PREX1: variants seen among roughly 807,000 people sequenced by gnomAD.
PREX1 encodes the protein phosphatidylinositol 3,4,5-trisphosphate-dependent Rac exchanger 1 protein.
In PREX1, 41 loss-of-function variants were observed where a neutral mutation model predicts 198.3. That is an observed-to-expected ratio of 0.21 (90% confidence interval 0.16 to 0.27). The LOEUF (loss-of-function observed/expected upper bound fraction) is 0.27, where lower values mean the gene tolerates loss of function less well. Ranked by LOEUF, PREX1 falls within the 10% of genes least tolerant of loss-of-function variation. PREX1 has a pLI of 1.00. For missense variants in PREX1, 1,620 were observed against 2,200.7 expected (o/e 0.74, Z 5.28); for synonymous variants, 843 against 887.2 (o/e 0.95, Z 0.89).
rs761059267 is a variant in PREX1 at position 48,636,655 on chromosome 20, C to T, written c.3975G>A (p.Ala1325=). The T allele has an allele frequency of 6.8e-6, 11 of 1,609,134 alleles. No individual in the cohort carries two copies. Among genetic ancestry groups the T allele is most frequent in the African/African-American group, 1.3e-5 (1 of 75,028 alleles). The change falls in exon 32 of 40, where the codon GCG becomes GCA. Residue 1325 remains alanine (A), a synonymous_variant. Transcript: ENST00000371941. ...TDTELQLRRD[A]IFCQALVAAV... is the part of the protein sequence containing the mutation. ...CGGCCACCAGGGCCTGGCAGAAGAT[C>T]GCGTCTCTGCGCAGCTGCAGCTCCG...
chr20:48,629,277 A>C (rs2122804516), intron 37 of PREX1, among the ~76,000 whole-genome samples, 172 bp downstream of exon 37: 1 of 152,344 alleles, frequency 6.6e-6, no homozygotes, highest in South Asian at 2.1e-4. Context: ...TGCTGCTGCC[A>C]TTCCGTTTCA....
At chr20:48,668,740 G>A (rs1334571483) in intron 14 of PREX1, among the ~76,000 whole-genome samples, 2 of 152,210 alleles carry the variant, frequency 1.3e-5, no homozygotes. Context: ...GCCAGTAGCT[G>A]GAGGGCCTGC....
In PREX1 at chr20:48,762,328, G is replaced by A. The variant is rs140465487; in HGVS notation, c.220-14448C>T. Reference sequence around the variant, plus strand: ...GATTCTAGCAGAGATTCTCAACTTTGGTACCTTGACAGTTCAGTGGATAGT... The same window carrying A: ...GATTCTAGCAGAGATTCTCAACTTTAGTACCTTGACAGTTCAGTGGATAGT... On this transcript the variant is annotated intron_variant, in intron 1 of 39. Transcript: ENST00000371941. 8.3e-3 allele frequency among the ~76,000 whole-genome samples: 1,268 copies of A among 152,156 alleles called. 21 individuals are homozygous for A. The highest frequency in any genetic ancestry group is 0.029 in the African/African-American group (1,198 of 41,496).
chr20:48,835,456 C>A, the PREX1 span, among the ~76,000 whole-genome samples: 4,233 of 152,238 alleles, frequency 0.028, 204 homozygotes, highest in African/African-American at 0.097. Flanking sequence ...CGGAGAAAAA[C>A]AAAATGGATT....
intron 1 of PREX1, among the ~76,000 whole-genome samples, chr20:48,749,519 C>T (rs1161372212): frequency 6.6e-6 from 1 of 152,186 alleles, no homozygotes; most frequent in East Asian, 1.9e-4. Context: ...TCAGGGGAAG[C>T]GGAGCAGGTA....
At chr20:48,789,048 G>A (rs1475228058) in intron 1 of PREX1, among the ~76,000 whole-genome samples, 1 of 152,072 alleles carries the variant, frequency 6.6e-6, no homozygotes, top group African/African-American at 2.4e-5. Context: ...CCAGTTTCAG[G>A]TATTCTGTTA....
Position 48,625,891 on chromosome 20 carries a change from G to A in PREX1, c.4974C>T (p.Asp1658=). ...YRLCQPPVDG[D]L is the part of the protein sequence containing the mutation. ...GCGTGGGGCATTTGGGTGTTCAGAG[G>A]TCCCCATCCACCGGCGGCTGGCAGA... The change falls in exon 40 of 40, where the codon GAC becomes GAT. Residue 1658 remains aspartate, a synonymous_variant. Transcript: ENST00000371941. 1 of 1,562,710 alleles carries A rather than the reference G, an allele frequency of 6.4e-7. No homozygotes were observed. Among genetic ancestry groups the A allele is most frequent in the Non-Finnish European group, 8.6e-7 (1 of 1,156,872 alleles).
At position 48,684,696 on chromosome 20, in the gene PREX1, T is replaced by C. The variant is rs1350143881; in HGVS notation, c.1335-3361A>G. Among the ~76,000 whole-genome samples the C allele has an allele frequency of 6.6e-6, 1 of 151,934 alleles. No individual in the cohort carries two copies. Among genetic ancestry groups the C allele is most frequent in the Non-Finnish European group, 1.5e-5 (1 of 67,970 alleles). The stretch of plus-strand genomic sequence containing the variant: ...CCTCATCTCACTCCACTACCGAGAC[T>C]CCTCCAGTGGCTTCCCACAGCACCA... On this transcript the variant is annotated intron_variant, in intron 10 of 39. Coordinates refer to ENST00000371941, the MANE Select transcript of PREX1 (RefSeq NM_020820.4). The surrounding 1 kb of genome is among the most constrained non-coding windows in gnomAD (Gnocchi z 4.2).
chr20:48,699,821 A>T (rs984992475), intron 7 of PREX1, among the ~76,000 whole-genome samples: 18 of 152,220 alleles, frequency 1.2e-4, no homozygotes, highest in Admixed American at 1.0e-3. Context: ...CCATTTCTCT[A>T]ACTGCCTGAA....
intron 9 of PREX1, among the ~76,000 whole-genome samples, chr20:48,690,741 T>C (rs546915616): frequency 3.9e-5 from 6 of 152,226 alleles, no homozygotes; most frequent in African/African-American, 1.4e-4. Flanking sequence ...TGGGCCTCAG[T>C]TTCCCCATTT....
intron 1 of PREX1, among the ~76,000 whole-genome samples, chr20:48,809,435 C>A (rs1298219512): frequency 6.6e-6 from 1 of 152,202 alleles, no homozygotes; most frequent in Non-Finnish European, 1.5e-5. Flanking sequence ...CCCCCACTAC[C>A]ATGTGGTAGA....
At chr20:48,659,377 G>A (rs1049239166) in intron 16 of PREX1, among the ~76,000 whole-genome samples, 1 of 151,100 alleles carries the variant, frequency 6.6e-6, no homozygotes, top group African/African-American at 2.4e-5. Context: ...GGGAGGGGAG[G>A]GGAGTGAGAG....
At chr20:48,708,912 C>T (rs2089916867) in intron 5 of PREX1, among the ~76,000 whole-genome samples, 1 of 152,270 alleles carries the variant, frequency 6.6e-6, no homozygotes, top group Non-Finnish European at 1.5e-5. Context: ...CACTGCTCCT[C>T]CCCAGGCCCG....
In PREX1 at chr20:48,625,820, T is replaced by C. The variant is rs2122790110; in HGVS notation, c.*65A>G. The C allele has an allele frequency of 1.3e-6, 2 of 1,482,628 alleles. No individual in the cohort carries two copies. Among genetic ancestry groups the C allele is most frequent in the African/African-American group, 1.4e-5 (1 of 69,458 alleles). The allele number at this position is 1,482,628 out of a possible 1,614,324, so 91.8% of individuals were successfully genotyped here. ...GGCCATCCCTGGAGAAGGCCAGCGCTGCCTGCTGTGTCCTCCCAAATCCCA... is the reference window on the plus strand; with the variant it reads ...GGCCATCCCTGGAGAAGGCCAGCGCCGCCTGCTGTGTCCTCCCAAATCCCA... On this transcript the variant is annotated 3_prime_UTR_variant, in exon 40 of 40. Coordinates refer to ENST00000371941, the MANE Select transcript of PREX1 (RefSeq NM_020820.4).
chr20:48,832,085 G>A (rs888697551), upstream of PREX1, among the ~76,000 whole-genome samples: 2 of 150,496 alleles, frequency 1.3e-5, no homozygotes, highest in Non-Finnish European at 2.9e-5. Context: ...GCTGGGTAAC[G>A]TTCTCAAAAA....
chr20:48,687,744 T>A (rs369294989), intron 10 of PREX1, among the ~76,000 whole-genome samples: 2 of 152,212 alleles, frequency 1.3e-5, no homozygotes, highest in Non-Finnish European at 2.9e-5. Flanking sequence ...AGCCTGACCA[T>A]TTTACAAGGA....
intron 14 of PREX1, among the ~76,000 whole-genome samples, chr20:48,675,653 G>C (rs1179367324): frequency 6.6e-6 from 1 of 152,204 alleles, no homozygotes; most frequent in Non-Finnish European, 1.5e-5. Context: ...CAGAACTTCA[G>C]TTTGGGAAGA....
At chr20:48,809,460 C>T (rs923947254) in intron 1 of PREX1, among the ~76,000 whole-genome samples, 4 of 152,194 alleles carry the variant, frequency 2.6e-5, no homozygotes, top group African/African-American at 7.2e-5. Context: ...CATCCCTCAC[C>T]CAGGAGGCAG....
At chr20:48,647,541 A>AG (rs1329790994) in intron 25 of PREX1, among the ~76,000 whole-genome samples, 1 of 151,054 alleles carries the variant, frequency 6.6e-6, no homozygotes, top group Non-Finnish European at 1.5e-5. Context: ...AAAAAAAAAA[A>AG]GAACAGTGTC....
Sources: gnomAD v4.1 joint callset for allele counts (sites outside exome capture counted in the v4.1 genomes callset) on GRCh38, gnomAD v4.1.1 for gene constraint, Gnocchi (gnomAD v3.1) non-coding constraint, MANE v1.5 for transcripts, NCBI Gene and HGNC (gene_info 2026-07-23, HGNC 2026-07-21) for gene names.